RANBP10: variants seen among roughly 807,000 people sequenced by gnomAD.
The protein encoded by RANBP10 is RAN binding protein 10, also known as ran-binding protein 10.
Under a neutral mutation model 72.8 loss-of-function variants are expected in RANBP10, and 24 were observed. The ratio of observed to expected loss-of-function variants is 0.33; its 90% CI spans 0.24 to 0.46. RANBP10 has a LOEUF of 0.46. Ranked by LOEUF, RANBP10 falls within the 20% of genes least tolerant of loss-of-function variation. RANBP10 has a pLI of 1.00. For missense variants in RANBP10, 679 were observed against 817.5 expected, an observed-to-expected ratio of 0.83 and a Z score of 2.07; for synonymous variants, 310 against 322.3, an observed-to-expected ratio of 0.96 and a Z score of 0.41.
At chr16:67,771,079 G>A (rs1414563867) in intron 3 of RANBP10, among the ~76,000 whole-genome samples, 2 of 152,166 alleles carry the variant, frequency 1.3e-5, no homozygotes, top group East Asian at 3.9e-4. Flanking sequence ...CCTGGGCAAT[G>A]GCAGAACTCT....
At chr16:67,735,800 T>C (rs967159550) in intron 5 of RANBP10, 1 of 147,550 alleles carries the variant, frequency 6.8e-6, no homozygotes, top group Non-Finnish European at 1.5e-5. Flanking sequence ...GATAGATACA[T>C]GGGGGGTAGG....
chr16:67,775,519 C>T lies in RANBP10; in HGVS notation c.348-3433G>A, dbSNP rs529456234. Among the ~76,000 whole-genome samples the T allele has an allele frequency of 4.6e-5, 7 of 151,510 alleles. No homozygotes were observed. In the South Asian group the frequency reaches 6.3e-4, roughly 14 times the overall value. On this transcript the variant is annotated intron_variant, in intron 2 of 13. Transcript: ENST00000317506. The stretch of plus-strand genomic sequence containing the variant: ...TGTTCACAGATGACATGTTCCCATA[C>T]GTAGAAAACCTTGCCAGGTGTGGTG...
At chr16:67,726,592 T>C in intron 13 of RANBP10, 34 bp from the exon 14 acceptor site, 1 of 1,532,564 alleles carries the variant, frequency 6.5e-7, no homozygotes, top group Non-Finnish European at 8.8e-7. Flanking sequence ...GTCACTGGCC[T>C]GCCCAGGGCT....
Position 67,806,344 on chromosome 16 carries a change from A to G in RANBP10, c.193T>C (p.Tyr65His), listed in dbSNP as rs776777831. Residue 65 changes from tyrosine (Y) to histidine (H), a missense_variant, in exon 1 of 14, where the codon TAC becomes CAC. Physicochemically the swap from Tyr to His is moderately conservative, Grantham distance 83. Transcript: ENST00000317506. ...RSWSPKDKYN[Y>H]IGLSQGNLRV... is the part of the protein sequence containing the mutation. ...AGGTTGCCCTGGGAGAGACCAATGT[A>G]GTTGTATTTGTCCTTGGGGCTCCAG... 2 of 1,613,532 alleles carry G rather than the reference A, an allele frequency of 1.2e-6. No homozygotes were observed. Among genetic ancestry groups the G allele is most frequent in the Admixed American group, 1.7e-5 (1 of 59,916 alleles).
chr16:67,751,066 C>A (rs914996017), intron 3 of RANBP10, among the ~76,000 whole-genome samples: 1 of 152,094 alleles, frequency 6.6e-6, no homozygotes, highest in South Asian at 2.1e-4. Flanking sequence ...ACGCCCAGCC[C>A]CTTTTTTCAC....
At position 67,742,073 on chromosome 16, in the gene RANBP10, CT is replaced by C. The variant is rs758902349; in HGVS notation, c.568+2214del. Reference sequence around the variant, plus strand: ...TATGAGCTTCAGGAACTAAGTGATTCTTTTTTTTTTTTTTTAATATAGGGAC... The same window carrying C: ...TATGAGCTTCAGGAACTAAGTGATTCTTTTTTTTTTTTTTAATATAGGGAC... On this transcript the variant is annotated intron_variant, in intron 4 of 13. Transcript: ENST00000317506. Among the ~76,000 whole-genome samples, 974 of 140,522 alleles carry C rather than the reference CT, an allele frequency of 6.9e-3. 1 individual carries two copies. The highest frequency in any genetic ancestry group is 6.2e-3 in the Non-Finnish European group (396 of 63,884). The allele number at this position is 140,522 out of a possible 152,430, so 92.2% of individuals were successfully genotyped here.
At chr16:67,799,841 C>T (rs780344160) in intron 2 of RANBP10, among the ~76,000 whole-genome samples, 4 of 151,982 alleles carry the variant, frequency 2.6e-5, no homozygotes, top group Non-Finnish European at 5.9e-5. Context: ...TGGGACAAAA[C>T]AATGGATGTG....
At chr16:67,781,689 C>A (rs1158858150) in intron 2 of RANBP10, among the ~76,000 whole-genome samples, 1 of 152,138 alleles carries the variant, frequency 6.6e-6, no homozygotes, top group Non-Finnish European at 1.5e-5. Flanking sequence ...CATGAGTAGG[C>A]CTGTAACTTC....
At chr16:67,772,874 T>TG (rs756358302) in intron 2 of RANBP10, among the ~76,000 whole-genome samples, 17 of 152,142 alleles carry the variant, frequency 1.1e-4, no homozygotes, top group Non-Finnish European at 2.2e-4. Context: ...TCCACTCAGA[T>TG]TCTCAAGTTG....
At chr16:67,748,782 G>A (rs2054139694) in intron 3 of RANBP10, among the ~76,000 whole-genome samples, 1 of 152,098 alleles carries the variant, frequency 6.6e-6, no homozygotes, top group South Asian at 2.1e-4. Flanking sequence ...TGGCTAAGGA[G>A]TAGAAATGGA....
At chr16:67,789,846 C>T (rs1269134329) in intron 2 of RANBP10, among the ~76,000 whole-genome samples, 3 of 151,790 alleles carry the variant, frequency 2.0e-5, no homozygotes, top group African/African-American at 7.3e-5. Flanking sequence ...CACCTGTAAT[C>T]CCAGCACTTT....
At chr16:67,775,350 C>T (rs1002412090) in intron 2 of RANBP10, among the ~76,000 whole-genome samples, 2 of 152,104 alleles carry the variant, frequency 1.3e-5, no homozygotes, top group Admixed American at 6.6e-5. Flanking sequence ...TAACATCATA[C>T]TCAATGGTGG....
intron 4 of RANBP10, among the ~76,000 whole-genome samples, chr16:67,740,739 G>A (rs143942672): frequency 6.6e-6 from 1 of 152,336 alleles, no homozygotes; most frequent in Non-Finnish European, 1.5e-5. Flanking sequence ...CCAAGATGCA[G>A]AGAGATGGTT....
chr16:67,734,813 C>A, intron 6 of RANBP10, 45 bp downstream of exon 6: 1 of 1,472,364 alleles, frequency 6.8e-7, no homozygotes, highest in Non-Finnish European at 9.0e-7. Context: ...GTGAAGTGGG[C>A]TGGGGTGGGG....
At chr16:67,767,963 G>A (rs1870095453) in intron 3 of RANBP10, among the ~76,000 whole-genome samples, 1 of 151,492 alleles carries the variant, frequency 6.6e-6, no homozygotes, top group African/African-American at 2.4e-5. Flanking sequence ...CTACTCAGGA[G>A]ACTAAGGTGA....
At chr16:67,799,127 G>A (rs2055186535) in intron 2 of RANBP10, among the ~76,000 whole-genome samples, 2 of 151,804 alleles carry the variant, frequency 1.3e-5, no homozygotes, top group Non-Finnish European at 2.9e-5. Context: ...GGAGAGATGG[G>A]GTTTCGCCAT....
chr16:67,764,350 GGCT>G (rs892127970), intron 3 of RANBP10, among the ~76,000 whole-genome samples: 6 of 152,056 alleles, frequency 3.9e-5, no homozygotes, highest in African/African-American at 1.2e-4. Flanking sequence ...TCTTTTCTTG[GGCT>G]GACTCAGATA....
At chr16:67,748,593 A>G (rs1232029311) in intron 3 of RANBP10, among the ~76,000 whole-genome samples, 1 of 151,992 alleles carries the variant, frequency 6.6e-6, no homozygotes, top group Non-Finnish European at 1.5e-5. Context: ...TTGTACAGAT[A>G]GGGTCTTTCT....
intron 2 of RANBP10, among the ~76,000 whole-genome samples, chr16:67,785,653 G>C (rs868454288): frequency 6.6e-6 from 1 of 150,488 alleles, no homozygotes; most frequent in African/African-American, 2.5e-5. Context: ...ACTTGAACCC[G>C]GGAGGCAAAG....
Sources: gnomAD v4.1 joint callset for allele counts (sites outside exome capture counted in the v4.1 genomes callset) on GRCh38, gnomAD v4.1.1 for gene constraint, MANE v1.5 for transcripts, NCBI Gene and HGNC (gene_info 2026-07-23, HGNC 2026-07-21) for gene names.